The following DSCAM variants were observed in gnomAD, a reference collection of about 807,000 sequenced individuals.
DSCAM encodes cell adhesion molecule DSCAM.
A neutral mutation model predicts 217.7 loss-of-function variants in DSCAM; 47 were observed. The observed-to-expected ratio is 0.22, with a 90% CI of 0.17 to 0.28. The LOEUF is 0.28. Among genes scored for constraint, DSCAM ranks in the 10% least tolerant of loss-of-function variants. The probability of loss-of-function intolerance (pLI) is 1.00; values close to 1 mark genes in which losing one functional copy is unlikely to be tolerated. For missense variants in DSCAM, 2,080 were observed against 2,618.3 expected (o/e 0.79, Z 4.49); for synonymous variants, 1,056 against 1,015.3 (o/e 1.04, Z -0.76).
chr21:40,557,942 T>C (rs1382415561), intron 3 of DSCAM, among the ~76,000 whole-genome samples: 1 of 152,228 alleles, frequency 6.6e-6, no homozygotes, highest in African/African-American at 2.4e-5. Context: ...ACGTTAGCAA[T>C]ACCTGTTTAC....
At chr21:40,190,850 A>C (rs1214730971) in intron 11 of DSCAM, among the ~76,000 whole-genome samples, 1 of 152,254 alleles carries the variant, frequency 6.6e-6, no homozygotes, top group Non-Finnish European at 1.5e-5. Flanking sequence ...AGGACTTCAG[A>C]TGATACAGTT....
In DSCAM at chr21:40,623,155, T is replaced by C. The variant is rs115219568; in HGVS notation, c.508+69655A>G. ...CAATCAAATCCTTCCTTTTCCAGAA[T>C]GCATCATTTTCAAAGAAGGAGATCT... On this transcript the variant is annotated intron_variant, in intron 3 of 32. Coordinates refer to ENST00000400454, the MANE Select transcript of DSCAM (RefSeq NM_001389.5). Among the ~76,000 whole-genome samples the C allele has an allele frequency of 8.1e-3, 1,229 of 152,198 alleles. 19 individuals are homozygous for C. The highest frequency in any genetic ancestry group is 0.028 in the African/African-American group (1,151 of 41,510).
At chr21:40,514,076 A>C (rs1465692154) in intron 3 of DSCAM, among the ~76,000 whole-genome samples, 1 of 152,226 alleles carries the variant, frequency 6.6e-6, no homozygotes, top group Non-Finnish European at 1.5e-5. Context: ...CAACCTGGGC[A>C]TGAACTTGAA....
chr21:40,037,514 AGAG>A (rs1303435813), intron 32 of DSCAM, among the ~76,000 whole-genome samples: 1 of 146,734 alleles, frequency 6.8e-6, no homozygotes, highest in Non-Finnish European at 1.5e-5. Flanking sequence ...ACGAAATAAA[AGAG>A]GATACAAACA....
intron 1 of DSCAM, among the ~76,000 whole-genome samples, chr21:40,801,756 T>A (rs1011458992): frequency 6.6e-5 from 10 of 152,198 alleles, no homozygotes; most frequent in African/African-American, 2.4e-4. Context: ...TTCTGCAGGC[T>A]CTTGGCAGCA....
intron 11 of DSCAM, among the ~76,000 whole-genome samples, chr21:40,207,922 C>A (rs939068632): frequency 6.6e-6 from 1 of 152,168 alleles, no homozygotes; most frequent in Non-Finnish European, 1.5e-5. Context: ...AGAAGGACAC[C>A]AGTCAGATTA....
At chr21:40,680,011 T>C (rs1230090497) in intron 3 of DSCAM, among the ~76,000 whole-genome samples, 1 of 150,472 alleles carries the variant, frequency 6.6e-6, no homozygotes, top group Admixed American at 6.6e-5. Flanking sequence ...ATAATGATAA[T>C]AATAATAAGA....
chr21:40,184,912 T>TACC (rs1261525614), intron 14 of DSCAM, among the ~76,000 whole-genome samples: 2 of 152,190 alleles, frequency 1.3e-5, no homozygotes, highest in African/African-American at 2.4e-5. Flanking sequence ...ATCTACAAGC[T>TACC]ACCACCTATT....
intron 3 of DSCAM, among the ~76,000 whole-genome samples, chr21:40,513,862 C>CAAT (rs1362659595): frequency 2.6e-5 from 4 of 152,040 alleles, no homozygotes; most frequent in African/African-American, 9.7e-5. Context: ...TATGTAACAA[C>CAAT]AACAACAACA....
intron 1 of DSCAM, among the ~76,000 whole-genome samples, chr21:40,734,954 G>T (rs1436741973): frequency 6.6e-6 from 1 of 152,178 alleles, no homozygotes; most frequent in African/African-American, 2.4e-5. Context: ...GAGAATCTTG[G>T]ATTTTGACTT....
chr21:40,447,757 C>T (rs2075686585), intron 3 of DSCAM, among the ~76,000 whole-genome samples: 1 of 152,160 alleles, frequency 6.6e-6, no homozygotes, highest in African/African-American at 2.4e-5. Context: ...TGGTGAATGA[C>T]ATTAATTTTT....
chr21:40,418,489 G>C (rs944979766), intron 3 of DSCAM, among the ~76,000 whole-genome samples: 3 of 152,144 alleles, frequency 2.0e-5, no homozygotes, highest in Admixed American at 6.6e-5. Context: ...AGGGTGTTTA[G>C]GTTATGTGAG....
At chr21:40,419,261 G>A (rs13046093) in intron 3 of DSCAM, among the ~76,000 whole-genome samples, 13 of 151,736 alleles carry the variant, frequency 8.6e-5, no homozygotes, top group East Asian at 1.9e-4. Context: ...GATTACAGGC[G>A]TGAGCCACCA....
chr21:40,559,361 G>A (rs1196148089), intron 3 of DSCAM, among the ~76,000 whole-genome samples: 1 of 151,956 alleles, frequency 6.6e-6, no homozygotes, highest in African/African-American at 2.4e-5. Flanking sequence ...GGGAGGCTGA[G>A]GCAGAAGAAT....
At chr21:40,096,896 G>A (rs1204781967) in intron 20 of DSCAM, among the ~76,000 whole-genome samples, 1 of 151,986 alleles carries the variant, frequency 6.6e-6, no homozygotes, top group Non-Finnish European at 1.5e-5. Context: ...TTTCTTTCAA[G>A]TACTGAAAGA....
chr21:40,557,526 T>C (rs1043940172), intron 3 of DSCAM, among the ~76,000 whole-genome samples: 3 of 151,876 alleles, frequency 2.0e-5, no homozygotes, highest in African/African-American at 7.3e-5. Context: ...GGCTAATTTT[T>C]TGTATTTTTA....
intron 11 of DSCAM, among the ~76,000 whole-genome samples, chr21:40,219,356 T>C (rs1261421188): frequency 6.6e-6 from 1 of 152,222 alleles, no homozygotes; most frequent in Non-Finnish European, 1.5e-5. Context: ...ATCCTGCTTT[T>C]TAAAAATGCA....
chr21:40,394,766 A>C (rs988561959), intron 3 of DSCAM, among the ~76,000 whole-genome samples: 9 of 152,130 alleles, frequency 5.9e-5, no homozygotes, highest in Admixed American at 3.3e-4. Flanking sequence ...AAGACAGGGG[A>C]GAGGGAGATT....
At chr21:40,702,110 G>C (rs1436379632) in intron 2 of DSCAM, among the ~76,000 whole-genome samples, 1 of 151,924 alleles carries the variant, frequency 6.6e-6, no homozygotes. Context: ...TTGAAGTTTT[G>C]TTGTTGGGTA....
Sources: gnomAD v4.1 joint callset for allele counts (sites outside exome capture counted in the v4.1 genomes callset) on GRCh38, gnomAD v4.1.1 for gene constraint, MANE v1.5 for transcripts, NCBI Gene and HGNC (gene_info 2026-07-23, HGNC 2026-07-21) for gene names.